The following PDE10A variants were observed in gnomAD, a reference collection of about 807,000 sequenced individuals.
PDE10A encodes the protein cAMP and cAMP-inhibited cGMP 3',5'-cyclic phosphodiesterase 10A.
Under a neutral mutation model 97.7 loss-of-function variants are expected in PDE10A, and 39 were observed. The observed-to-expected ratio is 0.40, with a 90% CI of 0.31 to 0.52. The LOEUF (loss-of-function observed/expected upper bound fraction) is 0.52. Among genes scored for constraint, PDE10A ranks in the 20% least tolerant of loss-of-function variants. The pLI is 0.56. For missense variants in PDE10A, 731 were observed against 1,047.8 expected (o/e 0.70, Z 4.17); for synonymous variants, 371 against 376.8 (o/e 0.98, Z 0.18).
At chr6:165,437,267 C>T (rs1008529322) in intron 5 of PDE10A, among the ~76,000 whole-genome samples, 4 of 152,062 alleles carry the variant, frequency 2.6e-5, no homozygotes, top group African/African-American at 9.6e-5. Context: ...ATAGGCCCTT[C>T]AAGGCTGAAT....
chr6:165,395,596 A>G (rs941837133), intron 14 of PDE10A, among the ~76,000 whole-genome samples: 1 of 152,112 alleles, frequency 6.6e-6, no homozygotes, highest in Non-Finnish European at 1.5e-5. Context: ...AAAAGGGGGG[A>G]AAAGCCTTTT....
At chr6:165,458,006 G>A (rs1438791397) in intron 3 of PDE10A, among the ~76,000 whole-genome samples, 1 of 152,076 alleles carries the variant, frequency 6.6e-6, no homozygotes, top group South Asian at 2.1e-4. Flanking sequence ...CAATAAACAA[G>A]AAGCCATAAT....
At chr6:165,839,896 T>TCTGCA (rs1562762551) in intron 1 of PDE10A, among the ~76,000 whole-genome samples, 14 of 151,484 alleles carry the variant, frequency 9.2e-5, no homozygotes, top group East Asian at 3.9e-4. Context: ...TCCATCCCCA[T>TCTGCA]TCCCATCTCC....
In PDE10A at chr6:165,944,142, C is replaced by G. The variant is rs181817007; in HGVS notation, c.-615+43387G>C. ...TGCTGAACAAAAAGGGGGGAAATCC[C>G]TTCTTAAAACCATCAGATCTCATGA... On this transcript the variant is annotated intron_variant, in intron 1 of 19. Transcript: ENST00000366882. 8.0e-3 allele frequency among the ~76,000 whole-genome samples: 1,215 copies of G among 152,288 alleles called. 13 individuals carry two copies. Among genetic ancestry groups the G allele is most frequent in the Non-Finnish European group, 9.7e-3 (661 of 68,020 alleles).
At chr6:165,620,481 C>T (rs1335600982) in intron 1 of PDE10A, among the ~76,000 whole-genome samples, 1 of 152,196 alleles carries the variant, frequency 6.6e-6, no homozygotes. Context: ...CTGTGGAAAA[C>T]CTAGCTGTTC....
chr6:165,557,667 T>C (rs77778005), intron 1 of PDE10A, among the ~76,000 whole-genome samples: 17,607 of 152,206 alleles, frequency 0.12, 1,997 homozygotes, highest in East Asian at 0.33. Flanking sequence ...TTCTTGAAAA[T>C]GTTTGATTAT....
intron 1 of PDE10A, among the ~76,000 whole-genome samples, chr6:165,887,907 T>C (rs556057368): frequency 2.0e-4 from 31 of 152,316 alleles, no homozygotes; most frequent in African/African-American, 7.0e-4. Flanking sequence ...AAGACAAAGT[T>C]CTTTCAATGG....
At chr6:165,591,406 C>T (rs150827856) in intron 1 of PDE10A, among the ~76,000 whole-genome samples, 92 of 152,322 alleles carry the variant, frequency 6.0e-4, no homozygotes, top group African/African-American at 2.1e-3. Flanking sequence ...TAGTTGGTGT[C>T]AATAAATAAA....
At position 165,482,738 on chromosome 6, in the gene PDE10A, T is replaced by A. The variant is rs377545654; in HGVS notation, c.995-395A>T. Among the ~76,000 whole-genome samples the A allele has an allele frequency of 6.3e-4, 96 of 152,330 alleles. 1 individual carries two copies. The highest frequency in any genetic ancestry group is 2.1e-3 in the African/African-American group (88 of 41,584). On this transcript the variant is annotated intron_variant, in intron 2 of 21. Coordinates refer to ENST00000539869, the MANE Select transcript of PDE10A (RefSeq NM_001385079.1). The stretch of plus-strand genomic sequence containing the variant: ...CCTTTAACACTCGTGCTTCGAAGGT[T>A]AGTTCCAGCAGACCTGGAGCTGGTG...
At chr6:165,973,635 C>T (rs1166703643) in intron 1 of PDE10A, among the ~76,000 whole-genome samples, 1 of 151,952 alleles carries the variant, frequency 6.6e-6, no homozygotes, top group African/African-American at 2.4e-5. Flanking sequence ...TGGCTGTGAT[C>T]GCTGAAGAGG....
At chr6:165,368,008 T>C (rs1232394611) in intron 18 of PDE10A, among the ~76,000 whole-genome samples, 1 of 152,204 alleles carries the variant, frequency 6.6e-6, no homozygotes, top group African/African-American at 2.4e-5. Flanking sequence ...CTTTTCTTGT[T>C]TTTTTGAGAT....
chr6:165,418,868 C>T lies in PDE10A; in HGVS notation c.1654-91G>A. 1 of 961,660 alleles carries T rather than the reference C, an allele frequency of 1.0e-6. No individual in the cohort carries two copies. Among genetic ancestry groups the T allele is most frequent in the Non-Finnish European group, 1.6e-6 (1 of 627,828 alleles). The allele number at this position is 961,660 out of a possible 1,614,324, so 59.6% of individuals were successfully genotyped here. ...ATCATAAAATAAGTATTAATTTCAG[C>T]TGTCCTATACTCTAATTGGTTGGTA... is the stretch of plus-strand genomic sequence containing the variant. On this transcript the variant is annotated intron_variant, in intron 10 of 21. Transcript: ENST00000539869. This position sits in a 1 kb window ranked among gnomAD's most constrained non-coding sequence, Gnocchi z 4.8.
At chr6:165,617,407 G>A (rs1021796839) in intron 1 of PDE10A, among the ~76,000 whole-genome samples, 1 of 152,160 alleles carries the variant, frequency 6.6e-6, no homozygotes, top group African/African-American at 2.4e-5. Context: ...TGCAGTGGCG[G>A]GATCTCGGCT....
chr6:165,928,764 A>T (rs1783028364), intron 1 of PDE10A, among the ~76,000 whole-genome samples: 1 of 152,076 alleles, frequency 6.6e-6, no homozygotes, highest in Non-Finnish European at 1.5e-5. Context: ...GAGTGCTGGG[A>T]CCTATGGTGG....
At chr6:165,815,948 T>G (rs544921501) in intron 1 of PDE10A, among the ~76,000 whole-genome samples, 12 of 148,394 alleles carry the variant, frequency 8.1e-5, no homozygotes, top group Non-Finnish European at 1.5e-4. Flanking sequence ...TCATATTTTC[T>G]TTTTTATCTT....
chr6:165,699,462 T>G (rs1453429635), intron 1 of PDE10A, among the ~76,000 whole-genome samples: 3 of 152,030 alleles, frequency 2.0e-5, no homozygotes, highest in Non-Finnish European at 4.4e-5. Flanking sequence ...AACAGGGAAA[T>G]AGAAGACTTG....
chr6:165,623,398 G>A (rs777320195), intron 1 of PDE10A, among the ~76,000 whole-genome samples: 15 of 152,054 alleles, frequency 9.9e-5, no homozygotes, highest in African/African-American at 2.7e-4. Context: ...GATTACAGGC[G>A]TGAGCCACCA....
chr6:165,529,610 A>G (rs1038203665), intron 2 of PDE10A, among the ~76,000 whole-genome samples: 6 of 152,198 alleles, frequency 3.9e-5, no homozygotes, highest in African/African-American at 1.2e-4. Context: ...CTTTTGTTAA[A>G]AACATGATTG....
At chr6:165,806,739 G>A (rs774183615) in intron 1 of PDE10A, among the ~76,000 whole-genome samples, 58 of 152,062 alleles carry the variant, frequency 3.8e-4, no homozygotes, top group Non-Finnish European at 8.8e-5. Flanking sequence ...AGGGAACCAG[G>A]GACCTTTCTT....
Sources: allele counts gnomAD v4.1 joint callset (sites outside exome capture counted in the v4.1 genomes callset), GRCh38; gene constraint gnomAD v4.1.1; non-coding constraint Gnocchi (gnomAD v3.1); transcripts MANE v1.5; gene names NCBI Gene and HGNC (gene_info 2026-07-23, HGNC 2026-07-21).